The following TM4SF18 variants were observed in gnomAD, a reference collection of about 807,000 sequenced individuals.
The protein encoded by TM4SF18 is transmembrane 4 L6 family member 18.
Under a neutral mutation model 23.8 loss-of-function variants are expected in TM4SF18, and 22 were observed. The observed-to-expected ratio is 0.92, with a 90% CI of 0.66 to 1.32. The LOEUF is 1.32. TM4SF18 is among the 40% of genes most tolerant of loss of function. The pLI, the probability that TM4SF18 is intolerant of heterozygous loss-of-function variation, is 0.00. For synonymous variants in TM4SF18, 87 were observed against 87.9 expected, an observed-to-expected ratio of 0.99 and a Z score of 0.06; for missense variants, 255 against 240.3, an observed-to-expected ratio of 1.06 and a Z score of -0.41.
At position 149,333,461 on chromosome 3, in the gene TM4SF18, C is replaced by CTT. The variant is rs1389766849; in HGVS notation, c.-18+50_-18+51dup. 9.8e-4 allele frequency: 665 copies of CTT among 678,950 alleles called. 2 individuals carry two copies. In the East Asian group the frequency reaches 0.01, roughly 11 times the overall value. 42.1% of individuals were successfully genotyped at this position (678,950 alleles called of 1,614,324 possible). ...TCTATTTTTCTTCTTCCTACCTGACCTTTTTTTTCTCTCTCTCTCTCTTTT... is the reference window on the plus strand; with the variant it reads ...TCTATTTTTCTTCTTCCTACCTGACCTTTTTTTTTTCTCTCTCTCTCTCTTTT... On this transcript the variant is annotated intron_variant, in intron 1 of 5. Transcript: ENST00000296059.
intron 4 of TM4SF18, among the ~76,000 whole-genome samples, chr3:149,323,472 G>T (rs1264230456): frequency 6.6e-6 from 1 of 152,204 alleles, no homozygotes; most frequent in Non-Finnish European, 1.5e-5. Flanking sequence ...AAGATGACTT[G>T]CAATGTTGCA....
intron 3 of TM4SF18, 57 bp downstream of exon 3, chr3:149,330,273 G>T: frequency 1.7e-6 from 2 of 1,187,232 alleles, no homozygotes; most frequent in Non-Finnish European, 2.5e-6. Context: ...GTTTCTGAGT[G>T]AGAGGAAAGA....
Position 149,322,176 on chromosome 3 carries a change from G to A in TM4SF18, c.591+80C>T, listed in dbSNP as rs879203719. The A allele has an allele frequency of 5.9e-5, 73 of 1,247,470 alleles. 1 individual carries two copies. In the South Asian group the frequency reaches 8.9e-4, roughly 15 times the overall value. The allele number at this position is 1,247,470 out of a possible 1,614,324, so 77.3% of individuals were successfully genotyped here. A position where few individuals can be genotyped will look rare whatever the true frequency, so the allele number is the denominator to read the frequency against. The stretch of plus-strand genomic sequence containing the variant: ...GGGGGGAAAGTGATGGAATTCTAGA[G>A]TCTTTTCAAAAAGCCTCATTGAATC... On this transcript the variant is annotated intron_variant, in intron 5 of 5. Coordinates refer to ENST00000296059, the MANE Select transcript of TM4SF18 (RefSeq NM_138786.4).
intron 3 of TM4SF18, among the ~76,000 whole-genome samples, chr3:149,329,167 C>A (rs1393988374): frequency 6.7e-6 from 1 of 149,732 alleles, no homozygotes; most frequent in African/African-American, 2.5e-5. Flanking sequence ...CACACACACA[C>A]ACACACACAC....
chr3:149,325,378 G>A (rs1300802181), intron 3 of TM4SF18, among the ~76,000 whole-genome samples: 2 of 152,150 alleles, frequency 1.3e-5, no homozygotes, highest in African/African-American at 4.8e-5. Flanking sequence ...TTTCTAGGTA[G>A]AGTGGGTTCT....
intron 3 of TM4SF18, among the ~76,000 whole-genome samples, chr3:149,326,997 C>T (rs1271070167): frequency 2.0e-5 from 3 of 152,098 alleles, no homozygotes; most frequent in Non-Finnish European, 2.9e-5. Context: ...GTCACCCAGG[C>T]GGGAGTGCAG....
In TM4SF18 at chr3:149,321,363, T is replaced by C; in HGVS notation, c.*115A>G. On this transcript the variant is annotated 3_prime_UTR_variant, in exon 6 of 6. Transcript: ENST00000296059. ...GTGAGGACTGCAAATTTTTTACAAA[T>C]AAACACCAAATGCAGAAAGCACCAT... is the stretch of plus-strand genomic sequence containing the variant. The C allele has an allele frequency of 2.6e-6, 2 of 770,782 alleles. No individual in the cohort carries two copies. The highest frequency in any genetic ancestry group is 4.0e-6 in the Non-Finnish European group (2 of 504,878). 47.7% of individuals were successfully genotyped at this position (770,782 alleles called of 1,614,324 possible). A position where few individuals can be genotyped will look rare whatever the true frequency, so the allele number is the denominator to read the frequency against.
Position 149,324,919 on chromosome 3 carries a change from AG to A in TM4SF18, c.370del (p.Asp125MetfsTer42), listed in dbSNP as rs749405254. The stretch of plus-strand genomic sequence containing the variant: ...TTCAAAAGCATACTCCCAGCCATCA[AG>A]GGTGCGGCAATATGGCCCTTGGACA... Reference protein sequence around the residue: ...GLVQGPYCRTLDGWEYAFEGT... With the variant: ...GLVQGPYCRTXDGWEYAFEGT... On this transcript the variant is annotated frameshift_variant, in exon 4 of 6. Transcript: ENST00000296059. LOFTEE classifies it high-confidence loss of function. The A allele has an allele frequency of 1.4e-5, 22 of 1,614,076 alleles. No homozygotes were observed. The highest frequency in any genetic ancestry group is 4.4e-5 in the South Asian group (4 of 91,088).
In TM4SF18 at chr3:149,324,230, G is replaced by A. The variant is rs115360733; in HGVS notation, c.410+650C>T. Reference sequence around the variant, plus strand: ...GCCAGTGTGAGGCATTCTGAGATCCGGGATTGGGTTGTGAGACTCCTGACT... The same window carrying A: ...GCCAGTGTGAGGCATTCTGAGATCCAGGATTGGGTTGTGAGACTCCTGACT... On this transcript the variant is annotated intron_variant, in intron 4 of 5. Coordinates refer to ENST00000296059, the MANE Select transcript of TM4SF18 (RefSeq NM_138786.4). 4.0e-3 allele frequency among the ~76,000 whole-genome samples: 612 copies of A among 152,218 alleles called. 3 individuals carry two copies. The highest frequency in any genetic ancestry group is 6.7e-3 in the Non-Finnish European group (456 of 68,002).
intron 4 of TM4SF18, 68 bp downstream of exon 4, chr3:149,324,812 T>G: frequency 1.1e-4 from 183 of 1,591,920 alleles, no homozygotes; most frequent in Middle Eastern, 1.7e-4. Context: ...AAAATGAGCG[T>G]GAGCTTGAGC....
intron 4 of TM4SF18, among the ~76,000 whole-genome samples, chr3:149,323,261 G>A (rs1730857142): frequency 6.6e-6 from 1 of 152,060 alleles, no homozygotes; most frequent in South Asian, 2.1e-4. Flanking sequence ...GTGAATATTT[G>A]GTAAGAATGT....
intron 3 of TM4SF18, among the ~76,000 whole-genome samples, chr3:149,329,057 T>G (rs1731018903): frequency 6.6e-6 from 1 of 152,008 alleles, no homozygotes; most frequent in African/African-American, 2.4e-5. Context: ...TATCATAACT[T>G]GAATCTATAC....
Position 149,333,250 on chromosome 3 carries a change from T to A in TM4SF18, c.133A>T (p.Asn45Tyr). The stretch of plus-strand genomic sequence containing the variant: ...ATTCCTTCAAAATACCACACGTAGT[T>A]GGTGAGTTTATTGCTGGATGCATAG... ...TSYASSNKLTNYVWYFEGICF... is the reference protein window; with the variant it reads ...TSYASSNKLTYYVWYFEGICF... Residue 45 changes from asparagine (N) to tyrosine (Y), a missense_variant, in exon 2 of 6, where the codon AAC becomes TAC. Coordinates refer to ENST00000296059, the MANE Select transcript of TM4SF18 (RefSeq NM_138786.4). 1 of 1,613,668 alleles carries A rather than the reference T, an allele frequency of 6.2e-7. No individual in the cohort carries two copies.
At chr3:149,328,307 A>G (rs1731002518) in intron 3 of TM4SF18, among the ~76,000 whole-genome samples, 1 of 152,148 alleles carries the variant, frequency 6.6e-6, no homozygotes, top group Non-Finnish European at 1.5e-5. Flanking sequence ...AAGGGAGGTA[A>G]GAGTACTCCC....
chr3:149,323,988 C>A (rs966063750), intron 4 of TM4SF18, among the ~76,000 whole-genome samples: 45 of 152,118 alleles, frequency 3.0e-4, no homozygotes, highest in African/African-American at 9.2e-4. Flanking sequence ...GCCATGTAGG[C>A]CTAGATGCAC....
At chr3:149,329,156 TCACA>T (rs33985529) in intron 3 of TM4SF18, among the ~76,000 whole-genome samples, 5,277 of 142,130 alleles carry the variant, frequency 0.037, 111 homozygotes, top group Middle Eastern at 0.057. Context: ...AGTCAACTGG[TCACA>T]CACACACACA....
chr3:149,322,453 G>A lies in TM4SF18; in HGVS notation c.411-17C>T, dbSNP rs373764391. The A allele has an allele frequency of 5.9e-5, 94 of 1,606,352 alleles. No individual in the cohort carries two copies. The Middle Eastern group carries it at 8.3e-4, about 14-fold the overall frequency. On this transcript the variant is annotated splice_polypyrimidine_tract_variant and intron_variant, in intron 4 of 5. Coordinates refer to ENST00000296059, the MANE Select transcript of TM4SF18 (RefSeq NM_138786.4). ...GTAAGGAAACTGAGAGAGACCCATG[G>A]CCAAATCTACATACTGGGTCCAAGG...
Position 149,324,971 on chromosome 3 carries a change from A to C in TM4SF18, c.319T>G (p.Cys107Gly). The part of the protein sequence containing the change: ...SSLGIAFSGY[C>G]LVISALGLVQ... ...AGACCCAAGGCAGAGATGACCAGGC[A>C]GTATCCAGAAAAAGCAATTCCGAGG... Residue 107 changes from cysteine (C) to glycine (G), a missense_variant, in exon 4 of 6, where the codon TGC (cysteine) becomes GGC (glycine). Cys to Gly is a radical substitution (Grantham distance 159). Coordinates refer to ENST00000296059, the MANE Select transcript of TM4SF18 (RefSeq NM_138786.4). 1 of 1,614,202 alleles carries C rather than the reference A, an allele frequency of 6.2e-7. No individual in the cohort carries two copies. The highest frequency in any genetic ancestry group is 8.5e-7 in the Non-Finnish European group (1 of 1,180,028).
At chr3:149,325,069 G>T (rs1361564203) in intron 3 of TM4SF18, 47 bp from the exon 4 acceptor site, 1 of 1,576,410 alleles carries the variant, frequency 6.3e-7, no homozygotes, top group Admixed American at 1.7e-5. Context: ...ATGCGACAAG[G>T]GGATATTGTG....
Sources: gnomAD v4.1 joint callset for allele counts (sites outside exome capture counted in the v4.1 genomes callset) on GRCh38, gnomAD v4.1.1 for gene constraint, MANE v1.5 for transcripts, NCBI Gene and HGNC (gene_info 2026-07-23, HGNC 2026-07-21) for gene names.